HIPK2: variants seen among roughly 807,000 people sequenced by gnomAD.
The protein encoded by HIPK2 is homeodomain interacting protein kinase 2, also known as homeodomain-interacting protein kinase 2.
HIPK2 carries 27 observed loss-of-function variants against 113.7 expected under a neutral mutation model. The observed-to-expected ratio is 0.24, with a 90% CI of 0.17 to 0.33. HIPK2 has a LOEUF of 0.33. Ranked by LOEUF, HIPK2 falls within the 10% of genes least tolerant of loss-of-function variation. The pLI, the probability that HIPK2 is intolerant of heterozygous loss-of-function variation, is 1.00. For missense variants in HIPK2, 1,257 were observed against 1,588.0 expected (o/e 0.79, Z 3.54); for synonymous variants, 631 against 642.2 (o/e 0.98, Z 0.26).
intron 1 of HIPK2, among the ~76,000 whole-genome samples, chr7:139,767,352 G>A (rs1337020284): frequency 6.6e-6 from 1 of 152,212 alleles, no homozygotes; most frequent in Non-Finnish European, 1.5e-5. Flanking sequence ...GGTTCTGTGT[G>A]TACATCCACT....
At position 139,666,874 on chromosome 7, in the gene HIPK2, C is replaced by T. The variant is rs113821708; in HGVS notation, c.1104-35149G>A. ...GGTCAGGAGTTCTAGACCAGCCTGGCCAAAATGGCGAAACCCGTCTCTGCT... is the reference window on the plus strand; with the variant it reads ...GGTCAGGAGTTCTAGACCAGCCTGGTCAAAATGGCGAAACCCGTCTCTGCT... On this transcript the variant is annotated intron_variant, in intron 2 of 14. Transcript: ENST00000406875. 6.1e-3 allele frequency among the ~76,000 whole-genome samples: 928 copies of T among 152,176 alleles called. 5 individuals carry two copies. Among genetic ancestry groups the T allele is most frequent in the African/African-American group, 0.021 (868 of 41,522 alleles).
chr7:139,777,528 G>A, intron 1 of HIPK2, 77 bp downstream of exon 1: 1 of 649,704 alleles, frequency 1.5e-6, no homozygotes, highest in Non-Finnish European at 1.9e-6. Context: ...TGCGGGCGCG[G>A]GGCCGCGGGC....
chr7:139,692,684 T>G (rs1398870919), intron 2 of HIPK2, among the ~76,000 whole-genome samples: 1 of 152,236 alleles, frequency 6.6e-6, no homozygotes, highest in Admixed American at 6.5e-5. Context: ...ATTTTCCAAT[T>G]TATTAATCAC....
intron 1 of HIPK2, among the ~76,000 whole-genome samples, chr7:139,769,529 A>G (rs1447636491): frequency 6.6e-6 from 1 of 152,214 alleles, no homozygotes; most frequent in African/African-American, 2.4e-5. Context: ...CTGCTAGTCT[A>G]TTTTGTGCTT....
At chr7:139,642,946 A>C (rs936252242) in intron 2 of HIPK2, among the ~76,000 whole-genome samples, 1 of 151,874 alleles carries the variant, frequency 6.6e-6, no homozygotes, top group Non-Finnish European at 1.5e-5. Flanking sequence ...CAGGGTTCCA[A>C]CTCCAAAAGG....
At chr7:139,701,596 G>A (rs1461211550) in intron 2 of HIPK2, among the ~76,000 whole-genome samples, 1 of 152,150 alleles carries the variant, frequency 6.6e-6, no homozygotes, top group East Asian at 1.9e-4. Flanking sequence ...CAGGCCATTC[G>A]TGTTCACCGT....
intron 1 of HIPK2, among the ~76,000 whole-genome samples, chr7:139,747,976 G>A (rs867174559): frequency 1.3e-5 from 2 of 152,224 alleles, no homozygotes; most frequent in East Asian, 1.9e-4. Context: ...AGTACGGAAA[G>A]CTCTATCAGG....
At chr7:139,604,910 G>C (rs1312816007) in intron 9 of HIPK2, among the ~76,000 whole-genome samples, 1 of 152,000 alleles carries the variant, frequency 6.6e-6, no homozygotes. Context: ...GCTAGATGAG[G>C]GTGACCGCTG....
chr7:139,620,676 G>C (rs1800204256), intron 6 of HIPK2, 113 bp from the exon 7 acceptor site: 8 of 1,338,210 alleles, frequency 6.0e-6, no homozygotes, highest in Non-Finnish European at 8.2e-6. Flanking sequence ...TCAGTAAACA[G>C]GACAAGCAGG....
At chr7:139,767,088 G>A (rs151075444) in intron 1 of HIPK2, among the ~76,000 whole-genome samples, 35 of 152,324 alleles carry the variant, frequency 2.3e-4, no homozygotes, top group Admixed American at 3.3e-4. Flanking sequence ...TCACATCCAA[G>A]AAAAGCTTTC....
intron 2 of HIPK2, among the ~76,000 whole-genome samples, chr7:139,660,115 T>TG (rs1585342393): frequency 1.3e-5 from 2 of 152,374 alleles, no homozygotes; most frequent in East Asian, 3.9e-4. Context: ...TGGCCTCCCA[T>TG]AGTTTGAGAA....
intron 12 of HIPK2, among the ~76,000 whole-genome samples, chr7:139,592,789 G>T (rs1205250524): frequency 6.6e-6 from 1 of 152,208 alleles, no homozygotes; most frequent in Non-Finnish European, 1.5e-5. Flanking sequence ...TTTAAAAGAA[G>T]ACCAGTTCTA....
At chr7:139,727,306 C>G (rs1795608950) in intron 1 of HIPK2, among the ~76,000 whole-genome samples, 1 of 152,116 alleles carries the variant, frequency 6.6e-6, no homozygotes, top group East Asian at 1.9e-4. Context: ...AGTGGCAGAG[C>G]CTGGCTGGGA....
intron 2 of HIPK2, among the ~76,000 whole-genome samples, chr7:139,637,970 A>G (rs1445670529): frequency 1.3e-5 from 2 of 152,232 alleles, no homozygotes; most frequent in Admixed American, 6.5e-5. Context: ...GTGGCCAACA[A>G]AAGAATTACA....
Position 139,729,090 on chromosome 7 carries a change from G to A in HIPK2, c.20-12075C>T, listed in dbSNP as rs189771345. Among the ~76,000 whole-genome samples the A allele has an allele frequency of 1.7e-3, 261 of 152,198 alleles. 2 individuals are homozygous for A. Among genetic ancestry groups the A allele is most frequent in the African/African-American group, 5.9e-3 (246 of 41,528 alleles). ...TGTAATTCCAATGCTTTGGGAGGCC[G>A]CGATGGGTGGACTGCTTGAGCCCAG... On this transcript the variant is annotated intron_variant, in intron 1 of 14. Coordinates refer to ENST00000406875, the MANE Select transcript of HIPK2 (RefSeq NM_022740.5).
rs1229024959 is a variant in HIPK2 at position 139,630,933 on chromosome 7, G to A, written c.1347+232C>T. Among the ~76,000 whole-genome samples, 2 of 152,214 alleles carry A rather than the reference G, an allele frequency of 1.3e-5. No homozygotes were observed. Among genetic ancestry groups the A allele is most frequent in the Non-Finnish European group, 2.9e-5 (2 of 68,048 alleles). The stretch of plus-strand genomic sequence containing the variant: ...AATCAGACAGTCATCAAGGCTTATC[G>A]GATTAAATCCTGGGAGTTCAGCAAT... On this transcript the variant is annotated intron_variant, in intron 4 of 14. Coordinates refer to ENST00000406875, the MANE Select transcript of HIPK2 (RefSeq NM_022740.5). This position sits in a 1 kb window ranked among gnomAD's most constrained non-coding sequence, Gnocchi z 4.0.
chr7:139,607,412 G>A (rs1265331795), intron 9 of HIPK2, among the ~76,000 whole-genome samples: 1 of 152,168 alleles, frequency 6.6e-6, no homozygotes, highest in Non-Finnish European at 1.5e-5. Flanking sequence ...CATGAAATGT[G>A]AGTCCACTGT....
chr7:139,704,620 C>T (rs911807661), intron 2 of HIPK2, among the ~76,000 whole-genome samples: 15 of 152,156 alleles, frequency 9.9e-5, no homozygotes, highest in African/African-American at 3.6e-4. Flanking sequence ...ACACCCAACA[C>T]ACACCCCATA....
chr7:139,610,425 T>C (rs1799774750), intron 9 of HIPK2, among the ~76,000 whole-genome samples: 1 of 152,350 alleles, frequency 6.6e-6, no homozygotes, highest in Non-Finnish European at 1.5e-5. Flanking sequence ...GCTGTAGTTC[T>C]TTCTCTGATC....
Sources: allele counts gnomAD v4.1 joint callset (sites outside exome capture counted in the v4.1 genomes callset), GRCh38; gene constraint gnomAD v4.1.1; non-coding constraint Gnocchi (gnomAD v3.1); transcripts MANE v1.5; gene names NCBI Gene and HGNC (gene_info 2026-07-23, HGNC 2026-07-21).